DCC: variants seen among roughly 807,000 people sequenced by gnomAD.
The protein encoded by DCC is DCC netrin 1 receptor.
A neutral mutation model predicts 172.5 loss-of-function variants in DCC; 58 were observed. That is an observed-to-expected ratio of 0.34 (90% CI 0.27 to 0.42). The LOEUF (loss-of-function observed/expected upper bound fraction) is 0.42. Among genes scored for constraint, DCC ranks in the 10% least tolerant of loss-of-function variants. The pLI is 1.00. For missense variants in DCC, 1,740 were observed against 1,791.0 expected (o/e 0.97, Z 0.51); for synonymous variants, 709 against 644.5 (o/e 1.10, Z -1.52).
rs780302162 is a variant in DCC at position 52,340,437 on chromosome 18, T to G, written c.-351T>G. On this transcript the variant is annotated 5_prime_UTR_variant, in exon 1 of 29. Coordinates refer to ENST00000442544, the MANE Select transcript of DCC (RefSeq NM_005215.4). ...TCCTCTTGGTCCCTCCTGGATGTGG[T>G]TTATTGATGACTTGCGAGCCCCTCA... 55 of 380,654 alleles carry G rather than the reference T, an allele frequency of 1.4e-4. 1 individual carries two copies. Among genetic ancestry groups the G allele is most frequent in the Non-Finnish European group, 8.9e-5 (18 of 201,132 alleles). The allele number at this position is 380,654 out of a possible 1,614,324, so 23.6% of individuals were successfully genotyped here.
chr18:53,322,853 G>A (rs894896800), intron 14 of DCC, among the ~76,000 whole-genome samples: 1 of 151,586 alleles, frequency 6.6e-6, no homozygotes, highest in African/African-American at 2.4e-5. Context: ...AAATAATAAA[G>A]CAGAAATATA....
intron 21 of DCC, among the ~76,000 whole-genome samples, chr18:53,417,254 G>GT (rs1160602183): frequency 6.6e-6 from 1 of 152,182 alleles, no homozygotes; most frequent in Non-Finnish European, 1.5e-5. Flanking sequence ...CAGTGGTCCT[G>GT]TGTTTACATT....
At chr18:52,964,000 T>C (rs2040888281) in intron 5 of DCC, among the ~76,000 whole-genome samples, 1 of 152,158 alleles carries the variant, frequency 6.6e-6, no homozygotes, top group Admixed American at 6.5e-5. Flanking sequence ...AACATGCATA[T>C]TACAATCACT....
chr18:52,401,794 T>C (rs2144377058), intron 1 of DCC, among the ~76,000 whole-genome samples: 1 of 152,152 alleles, frequency 6.6e-6, no homozygotes, highest in African/African-American at 2.4e-5. Context: ...TTAGGAAGGC[T>C]TAACAAAATG....
intron 2 of DCC, among the ~76,000 whole-genome samples, chr18:52,887,275 C>G (rs1689370397): frequency 6.6e-6 from 1 of 152,002 alleles, no homozygotes; most frequent in Non-Finnish European, 1.5e-5. Context: ...CTTGTACTAC[C>G]TCTTCTAGCA....
chr18:53,136,265 A>T (rs997587815), intron 7 of DCC, among the ~76,000 whole-genome samples: 1 of 151,950 alleles, frequency 6.6e-6, no homozygotes. Flanking sequence ...ACATACATAC[A>T]CACTAGATAT....
At chr18:53,070,514 G>A (rs1053359669) in intron 7 of DCC, among the ~76,000 whole-genome samples, 2 of 152,168 alleles carry the variant, frequency 1.3e-5, no homozygotes, top group Non-Finnish European at 2.9e-5. Flanking sequence ...TCTACAGGTA[G>A]CCTTTAATTC....
At chr18:53,463,475 T>A (rs2045583631) in intron 24 of DCC, among the ~76,000 whole-genome samples, 1 of 152,156 alleles carries the variant, frequency 6.6e-6, no homozygotes, top group South Asian at 2.1e-4. Context: ...AAATTCAACA[T>A]AAGTGAACAG....
intron 12 of DCC, among the ~76,000 whole-genome samples, chr18:53,235,288 G>T (rs2056184294): frequency 2.0e-5 from 3 of 152,130 alleles, no homozygotes; most frequent in South Asian, 4.1e-4. Flanking sequence ...ATCCCTGCTG[G>T]ATGTGGGCAC....
intron 14 of DCC, among the ~76,000 whole-genome samples, chr18:53,335,628 G>A (rs1225999382): frequency 2.0e-5 from 3 of 152,070 alleles, no homozygotes; most frequent in Non-Finnish European, 4.4e-5. Context: ...TATACCAAGA[G>A]AGAATCCATA....
chr18:53,494,329 G>A (rs2144407592), intron 26 of DCC, among the ~76,000 whole-genome samples: 1 of 152,280 alleles, frequency 6.6e-6, no homozygotes, highest in Admixed American at 6.5e-5. Context: ...TTGTGTGGGT[G>A]TCTGTTTGGT....
rs2038374915 is a variant in DCC at position 52,819,926 on chromosome 18, T to G, written c.412+67552T>G. On this transcript the variant is annotated intron_variant, in intron 2 of 28. Transcript: ENST00000442544. ...TAGTAGAGATGGGGTTTCACCGTAT[T>G]AGCCAGGATGGTATCAATCTCCTGA... 2.0e-5 allele frequency among the ~76,000 whole-genome samples: 3 copies of G among 152,096 alleles called. No individual in the cohort carries two copies. In the South Asian group the frequency reaches 6.2e-4, roughly 31 times the overall value.
chr18:53,296,830 C>T (rs1022224587), intron 12 of DCC, among the ~76,000 whole-genome samples: 2 of 152,180 alleles, frequency 1.3e-5, no homozygotes, highest in African/African-American at 2.4e-5. Flanking sequence ...TTTCAAGATT[C>T]GTAGATTCCT....
chr18:52,690,470 G>A (rs1394096624), intron 1 of DCC, among the ~76,000 whole-genome samples: 2 of 152,076 alleles, frequency 1.3e-5, no homozygotes, highest in East Asian at 3.9e-4. Flanking sequence ...ACTTTGTTGA[G>A]GATATTGACA....
intron 22 of DCC, among the ~76,000 whole-genome samples, chr18:53,440,979 T>C (rs1027581110): frequency 6.6e-6 from 1 of 152,242 alleles, no homozygotes; most frequent in Non-Finnish European, 1.5e-5. Context: ...TTTTCTTTGT[T>C]GTGGGCACAT....
At chr18:53,422,310 C>T (rs144169928) in intron 21 of DCC, among the ~76,000 whole-genome samples, 112 of 152,280 alleles carry the variant, frequency 7.4e-4, no homozygotes, top group Non-Finnish European at 1.3e-3. Context: ...TCTAGACTCA[C>T]CTGGGGCTAC....
chr18:53,449,725 G>A (rs1028509671), intron 22 of DCC, among the ~76,000 whole-genome samples: 2 of 152,114 alleles, frequency 1.3e-5, no homozygotes, highest in African/African-American at 4.8e-5. Context: ...CAGTAGGAAA[G>A]CTTAATCTTG....
intron 5 of DCC, among the ~76,000 whole-genome samples, chr18:52,960,994 A>G (rs1186852712): frequency 6.6e-6 from 1 of 152,204 alleles, no homozygotes; most frequent in Non-Finnish European, 1.5e-5. Flanking sequence ...CAGGACCAAT[A>G]GTACCCATAA....
intron 1 of DCC, among the ~76,000 whole-genome samples, chr18:52,424,369 C>T (rs1203532197): frequency 1.3e-5 from 2 of 152,128 alleles, no homozygotes; most frequent in Admixed American, 6.6e-5. Flanking sequence ...AGTTCAAGCT[C>T]ACAACCAGTA....
Sources: gnomAD v4.1 joint callset for allele counts (sites outside exome capture counted in the v4.1 genomes callset) on GRCh38, gnomAD v4.1.1 for gene constraint, MANE v1.5 for transcripts, NCBI Gene and HGNC (gene_info 2026-07-23, HGNC 2026-07-21) for gene names.